The following PRKCZ variants were observed in gnomAD, a reference collection of about 807,000 sequenced individuals.
PRKCZ encodes protein kinase C zeta type.
Under a neutral mutation model 79.5 loss-of-function variants are expected in PRKCZ, and 33 were observed. The observed-to-expected ratio is 0.41, with a 90% confidence interval of 0.31 to 0.55. The LOEUF is 0.55. PRKCZ is among the 20% of genes least tolerant of loss of function. PRKCZ has a pLI of 0.19. For synonymous variants in PRKCZ, 342 were observed against 320.9 expected (o/e 1.07, Z -0.70); for missense variants, 578 against 813.5 (o/e 0.71, Z 3.52).
chr1:2,099,378 C>T (rs961459098), intron 4 of PRKCZ, among the ~76,000 whole-genome samples: 1 of 152,186 alleles, frequency 6.6e-6, no homozygotes, highest in Admixed American at 6.5e-5. Flanking sequence ...AGGCACAATC[C>T]GGAACCGCCC....
chr1:2,114,213 G>A (rs977219974), intron 4 of PRKCZ, among the ~76,000 whole-genome samples: 1 of 144,940 alleles, frequency 6.9e-6, no homozygotes, highest in Non-Finnish European at 1.5e-5. Flanking sequence ...GACCCCGGAT[G>A]CAGGGCAGGT....
At chr1:2,115,499 G>T (rs3128339) in intron 4 of PRKCZ, among the ~76,000 whole-genome samples, 98,730 of 152,100 alleles carry the variant, frequency 0.65, 32,474 homozygotes, top group African/African-American at 0.77. Flanking sequence ...CGCCAGCTGG[G>T]TGTCCTGTGT....
chr1:2,152,080 C>T (rs1047743481), intron 9 of PRKCZ, among the ~76,000 whole-genome samples: 3 of 152,054 alleles, frequency 2.0e-5, no homozygotes, highest in Admixed American at 6.6e-5. Context: ...AGAATTCCTG[C>T]GCTCATGCAC....
chr1:2,183,024 G>C (rs955865042), intron 16 of PRKCZ, among the ~76,000 whole-genome samples: 1 of 152,124 alleles, frequency 6.6e-6, no homozygotes, highest in Non-Finnish European at 1.5e-5. Flanking sequence ...TCAGCAGTTC[G>C]GGAGCAGCCT....
intron 10 of PRKCZ, among the ~76,000 whole-genome samples, chr1:2,157,718 T>G (rs112882858): frequency 5.8e-4 from 87 of 151,090 alleles, no homozygotes; most frequent in African/African-American, 1.9e-3. Flanking sequence ...CAGAGTTTTT[T>G]TTTTTTTTTT....
rs530286567 is a variant in PRKCZ, at chr1:2,094,504, C to T, written c.334+34913C>T. Among the ~76,000 whole-genome samples the T allele has an allele frequency of 3.3e-4, 47 of 143,170 alleles. No homozygotes were observed. Among genetic ancestry groups the T allele is most frequent in the African/African-American group, 1.0e-3 (37 of 37,032 alleles). 93.9% of individuals were successfully genotyped at this position (143,170 alleles called of 152,430 possible). On this transcript the variant is annotated intron_variant, in intron 4 of 17. Transcript: ENST00000378567. This position sits in a 1 kb window ranked among gnomAD's most constrained non-coding sequence, Gnocchi z 7.3. ...CCCGTTCTGAGGCGCCCTCTGTGCCCGGCTCGTTGAACCTTGGGCGCTGCC... is the reference window on the plus strand; with the variant it reads ...CCCGTTCTGAGGCGCCCTCTGTGCCTGGCTCGTTGAACCTTGGGCGCTGCC...
chr1:2,099,681 C>T (rs775306863), intron 4 of PRKCZ, among the ~76,000 whole-genome samples: 13 of 152,108 alleles, frequency 8.5e-5, no homozygotes, highest in African/African-American at 1.9e-4. Flanking sequence ...GCTCACTGGA[C>T]GGGGCAGCGT....
At chr1:2,115,152 CTGGGTG>C (rs1402867559) in intron 4 of PRKCZ, among the ~76,000 whole-genome samples, 1 of 152,272 alleles carries the variant, frequency 6.6e-6, no homozygotes, top group Admixed American at 6.5e-5. Flanking sequence ...GCCATCCACC[CTGGGTG>C]TGGCCGCTCA....
intron 4 of PRKCZ, among the ~76,000 whole-genome samples, chr1:2,077,294 T>C (rs1285766867): frequency 6.6e-6 from 1 of 152,218 alleles, no homozygotes; most frequent in African/African-American, 2.4e-5. Context: ...AAGTTTTCTT[T>C]TTGAACGTCT....
At chr1:2,126,066 C>T (rs914943818) in intron 4 of PRKCZ, among the ~76,000 whole-genome samples, 4 of 151,880 alleles carry the variant, frequency 2.6e-5, no homozygotes, top group African/African-American at 4.8e-5. Context: ...CCTGGGGCAG[C>T]GTCACCTGGG....
At position 2,082,572 on chromosome 1, in the gene PRKCZ, C is replaced by T. The variant is rs370465155; in HGVS notation, c.334+22981C>T. 35 of 377,538 alleles carry T rather than the reference C, an allele frequency of 9.3e-5. No individual in the cohort carries two copies. The highest frequency in any genetic ancestry group is 2.5e-4 in the African/African-American group (12 of 47,570). The allele number at this position is 377,538 out of a possible 1,614,324, so 23.4% of individuals were successfully genotyped here. A position where few individuals can be genotyped will look rare whatever the true frequency, so the allele number is the denominator to read the frequency against. On this transcript the variant is annotated intron_variant, in intron 4 of 17. Coordinates refer to ENST00000378567, the MANE Select transcript of PRKCZ (RefSeq NM_002744.6). This position sits in a 1 kb window ranked among gnomAD's most constrained non-coding sequence, Gnocchi z 4.4. ...ACGATGGTGGGATTTGTCACTCAGT[C>T]GATTTCCCTGGTGTAAATGCTCCCA...
chr1:2,164,799 A>G (rs1683015297), intron 10 of PRKCZ, among the ~76,000 whole-genome samples: 1 of 152,078 alleles, frequency 6.6e-6, no homozygotes, highest in African/African-American at 2.4e-5. Flanking sequence ...GGTGTCGTGG[A>G]GGGCAGCTGC....
intron 5 of PRKCZ, among the ~76,000 whole-genome samples, chr1:2,138,702 G>A (rs1016626839): frequency 2.6e-5 from 4 of 152,172 alleles, no homozygotes; most frequent in Admixed American, 6.5e-5. Context: ...TTGGGAGGCC[G>A]AGATGGGTGA....
chr1:2,183,348 C>T (rs1415867063), intron 16 of PRKCZ, among the ~76,000 whole-genome samples: 2 of 151,982 alleles, frequency 1.3e-5, no homozygotes, highest in African/African-American at 2.4e-5. Flanking sequence ...GAGCCGAGAT[C>T]GCGCCACTGC....
intron 4 of PRKCZ, among the ~76,000 whole-genome samples, chr1:2,126,717 C>T (rs774097854): frequency 1.5e-4 from 23 of 152,212 alleles, no homozygotes; most frequent in Non-Finnish European, 2.9e-4. Flanking sequence ...CACGAGGGGA[C>T]CTGAGGCTTG....
intron 10 of PRKCZ, among the ~76,000 whole-genome samples, chr1:2,161,186 G>A (rs1471797379): frequency 2.6e-5 from 4 of 152,244 alleles, no homozygotes; most frequent in South Asian, 2.1e-4. Flanking sequence ...TTGTTCTGCC[G>A]ACACACGGTG....
chr1:2,126,957 C>G (rs533471980), intron 4 of PRKCZ, among the ~76,000 whole-genome samples: 1 of 152,348 alleles, frequency 6.6e-6, no homozygotes, highest in East Asian at 1.9e-4. Context: ...TCTGCCTGTT[C>G]CTGGGGGTCC....
rs568581370 is a variant in PRKCZ at position 2,077,064 on chromosome 1, G to A, written c.334+17473G>A. On this transcript the variant is annotated intron_variant, in intron 4 of 17. Coordinates refer to ENST00000378567, the MANE Select transcript of PRKCZ (RefSeq NM_002744.6). The stretch of plus-strand genomic sequence containing the variant: ...TCCCCCTGAGAGAGGATCAGAGTCA[G>A]GAGAGGCGAGACACCAAGTTGACAC... 1.2e-3 allele frequency among the ~76,000 whole-genome samples: 179 copies of A among 152,328 alleles called. 1 individual carries two copies. The highest frequency in any genetic ancestry group is 4.1e-3 in the African/African-American group (172 of 41,580).
intron 4 of PRKCZ, among the ~76,000 whole-genome samples, chr1:2,072,660 T>A (rs1271441982): frequency 6.6e-6 from 1 of 151,908 alleles, no homozygotes; most frequent in African/African-American, 2.4e-5. Flanking sequence ...GGTTGGTGGG[T>A]TTGCATTTGA....
Sources: allele counts gnomAD v4.1 joint callset (sites outside exome capture counted in the v4.1 genomes callset), GRCh38; gene constraint gnomAD v4.1.1; non-coding constraint Gnocchi (gnomAD v3.1); transcripts MANE v1.5; gene names NCBI Gene and HGNC (gene_info 2026-07-23, HGNC 2026-07-21).